Variants in NACC2 observed in about 807,000 individuals in gnomAD.
NACC2 encodes the protein NACC family member 2.
A neutral mutation model predicts 25.1 loss-of-function variants in NACC2; 8 were observed. The observed-to-expected ratio is 0.32, with a 90% CI of 0.19 to 0.57. NACC2 has a LOEUF of 0.57. Among genes scored for constraint, NACC2 ranks in the 20% least tolerant of loss-of-function variants. The probability of loss-of-function intolerance (pLI) is 0.89; values close to 1 mark genes in which losing one functional copy is unlikely to be tolerated. For missense variants in NACC2, 644 were observed against 650.2 expected (o/e 0.99, Z 0.10); for synonymous variants, 435 against 294.7 (o/e 1.48, Z -4.88).
intron 1 of NACC2, among the ~76,000 whole-genome samples, chr9:136,088,829 C>T (rs60426293): frequency 0.061 from 9,289 of 152,222 alleles, 311 homozygotes; most frequent in African/African-American, 0.081. Flanking sequence ...GGCTGTCCCA[C>T]AAAGGGACCT....
rs970334054 is a variant in NACC2 at position 136,055,386 on chromosome 9, A to G, written c.-59-4806T>C. Reference sequence around the variant, plus strand: ...AGTACCCAGGAGCAGAGGCTCTGGCAGGTACAAGACCCCTGAAAGCATCCC... The same window carrying G: ...AGTACCCAGGAGCAGAGGCTCTGGCGGGTACAAGACCCCTGAAAGCATCCC... On this transcript the variant is annotated intron_variant, in intron 1 of 5. Transcript: ENST00000277554. This position sits in a 1 kb window ranked among gnomAD's most constrained non-coding sequence, Gnocchi z 4.9. Among the ~76,000 whole-genome samples, 1 of 152,154 alleles carries G rather than the reference A, an allele frequency of 6.6e-6. No individual in the cohort carries two copies. The highest frequency in any genetic ancestry group is 2.4e-5 in the African/African-American group (1 of 41,440).
chr9:136,085,137 A>ATTTTTTTTTTTTTT (rs913472378), intron 1 of NACC2, among the ~76,000 whole-genome samples: 1 of 82,770 alleles, frequency 1.2e-5, no homozygotes, highest in Non-Finnish European at 2.3e-5. Flanking sequence ...CATTTCTACA[A>ATTTTTTTTTTTTTT]TTTTTTTTTT....
chr9:136,011,863 C>T lies in NACC2; in HGVS notation c.1417G>A (p.Ala473Thr), dbSNP rs777684386. The T allele has an allele frequency of 3.1e-5, 49 of 1,563,600 alleles. No homozygotes were observed. The highest frequency in any genetic ancestry group is 3.8e-5 in the Non-Finnish European group (44 of 1,158,184). The stretch of plus-strand genomic sequence containing the variant: ...GGGTCGAGGGGCACGCTGGCGGCGG[C>T]GGAGCCCATGACCGTGCGGTACATC... ...VEMYRTVMGS[A>T]AASVPLDPEF... The change falls in exon 6 of 6, where the codon GCC becomes ACC. Residue 473 changes from alanine (A) to threonine (T), a missense_variant. Transcript: ENST00000277554.
chr9:136,010,940 GCA>G lies in NACC2; in HGVS notation c.*574_*575del, dbSNP rs748911275. 5 of 152,120 alleles carry G rather than the reference GCA, an allele frequency of 3.3e-5. No individual in the cohort carries two copies. The highest frequency in any genetic ancestry group is 5.9e-5 in the Non-Finnish European group (4 of 68,090). The allele number at this position is 152,120 out of a possible 1,614,324, so 9.4% of individuals were successfully genotyped here. ...CCTCACCACACCCCTGCACACACAC[GCA>G]CACACACACACTCGTGCACACACCC... On this transcript the variant is annotated 3_prime_UTR_variant, in exon 6 of 6. Transcript: ENST00000277554. This position sits in a 1 kb window ranked among gnomAD's most constrained non-coding sequence, Gnocchi z 4.9.
intron 1 of NACC2, among the ~76,000 whole-genome samples, chr9:136,081,459 C>T (rs1023405348): frequency 6.6e-6 from 1 of 152,230 alleles, no homozygotes; most frequent in African/African-American, 2.4e-5. Flanking sequence ...GCTCTCTGAG[C>T]GCGGGGTGCC....
At chr9:136,030,911 C>A (rs990153327) in intron 2 of NACC2, among the ~76,000 whole-genome samples, 1 of 152,110 alleles carries the variant, frequency 6.6e-6, no homozygotes, top group East Asian at 1.9e-4. Flanking sequence ...GATCTGCCCA[C>A]CTCAGCCTCG....
chr9:136,044,915 G>T (rs1840697824), intron 2 of NACC2, among the ~76,000 whole-genome samples: 1 of 152,192 alleles, frequency 6.6e-6, no homozygotes, highest in African/African-American at 2.4e-5. Context: ...TGTTCAGCCG[G>T]GGGATGGACG....
chr9:136,024,384 G>T, intron 2 of NACC2, among the ~76,000 whole-genome samples: 1 of 137,442 alleles, frequency 7.3e-6, no homozygotes, highest in Non-Finnish European at 1.5e-5. Flanking sequence ...GTGTGTGTGA[G>T]GACAGAGGGT....
rs1169808345 is a variant in NACC2 at position 136,019,993 on chromosome 9, C to T, written c.887-3564G>A. 7.2e-6 allele frequency among the ~76,000 whole-genome samples: 1 copy of T among 138,630 alleles called. No homozygotes were observed. 90.9% of individuals were successfully genotyped at this position (138,630 alleles called of 152,430 possible). A position where few individuals can be genotyped will look rare whatever the true frequency, so the allele number is the denominator to read the frequency against. On this transcript the variant is annotated intron_variant, in intron 2 of 5. Coordinates refer to ENST00000277554, the MANE Select transcript of NACC2 (RefSeq NM_144653.5). This position sits in a 1 kb window ranked among gnomAD's most constrained non-coding sequence, Gnocchi z 5.2. ...GGGAAACAGAGGGTGGGTGCCGGGGCTGGGTGGGGGAACGGGGAGGGACCG... is the reference window on the plus strand; with the variant it reads ...GGGAAACAGAGGGTGGGTGCCGGGGTTGGGTGGGGGAACGGGGAGGGACCG...
At chr9:136,063,052 C>T (rs1039663581) in intron 1 of NACC2, among the ~76,000 whole-genome samples, 2 of 152,208 alleles carry the variant, frequency 1.3e-5, no homozygotes, top group Non-Finnish European at 1.5e-5. Flanking sequence ...TCACTGTTTT[C>T]TTCTAATTTT....
Position 136,011,862 on chromosome 9 carries a change from GCGGAGCCCATGACCGTGCGGTACATCT to G in NACC2, c.1391_1417del (p.Glu464_Ser472del). ...GGGGTCGAGGGGCACGCTGGCGGCG[GCGGAGCCCATGACCGTGCGGTACATCT>G]CCACGCCCTCCGGCAGCATGGACTT... On this transcript the variant is annotated inframe_deletion, in exon 6 of 6. Transcript: ENST00000277554. 2 of 1,563,962 alleles carry G rather than the reference GCGGAGCCCATGACCGTGCGGTACATCT, an allele frequency of 1.3e-6. No homozygotes were observed. Among genetic ancestry groups the G allele is most frequent in the Non-Finnish European group, 1.7e-6 (2 of 1,158,294 alleles).
rs78345272 is a variant in NACC2, at chr9:136,084,938, G to T, written c.-60+10251C>A. 0.01 allele frequency among the ~76,000 whole-genome samples: 1,533 copies of T among 152,270 alleles called. 27 individuals are homozygous for T. Among genetic ancestry groups the T allele is most frequent in the African/African-American group, 0.035 (1,443 of 41,528 alleles). Reference sequence around the variant, plus strand: ...TGCCAGGGGCTGGGGCAAGGATGGGGAGTTTGTGTCTAATGGGGAAAGGGG... The same window carrying T: ...TGCCAGGGGCTGGGGCAAGGATGGGTAGTTTGTGTCTAATGGGGAAAGGGG... On this transcript the variant is annotated intron_variant, in intron 1 of 5. Transcript: ENST00000277554. This position sits in a 1 kb window ranked among gnomAD's most constrained non-coding sequence, Gnocchi z 5.1.
chr9:136,091,279 G>A (rs183424540), intron 1 of NACC2, among the ~76,000 whole-genome samples: 4 of 152,348 alleles, frequency 2.6e-5, no homozygotes, highest in East Asian at 1.9e-4. Flanking sequence ...CCAGCTCCTC[G>A]GAGGAGGCAG....
chr9:136,048,713 C>T (rs1236244156), intron 2 of NACC2, among the ~76,000 whole-genome samples: 1 of 152,228 alleles, frequency 6.6e-6, no homozygotes, highest in Non-Finnish European at 1.5e-5. Flanking sequence ...AGACGCTGCA[C>T]AGGGACCCAG....
intron 1 of NACC2, among the ~76,000 whole-genome samples, chr9:136,062,264 G>A (rs565629492): frequency 5.9e-5 from 9 of 152,088 alleles, no homozygotes; most frequent in Non-Finnish European, 8.8e-5. Context: ...TCCCCCCAAC[G>A]CCAAGGGACC....
At chr9:136,048,006 C>T (rs977237541) in intron 2 of NACC2, among the ~76,000 whole-genome samples, 5 of 152,220 alleles carry the variant, frequency 3.3e-5, no homozygotes, top group African/African-American at 7.2e-5. Flanking sequence ...TGTTTGGATA[C>T]GATGGGTCTG....
At position 136,050,098 on chromosome 9, in the gene NACC2, G is replaced by T; in HGVS notation, c.424C>A (p.Pro142Thr). 1.3e-6 allele frequency: 1 copy of T among 750,994 alleles called. No homozygotes were observed. The highest frequency in any genetic ancestry group is 2.4e-6 in the Non-Finnish European group (1 of 408,324). The allele number at this position is 750,994 out of a possible 1,614,324, so 46.5% of individuals were successfully genotyped here. A position where few individuals can be genotyped will look rare whatever the true frequency, so the allele number is the denominator to read the frequency against. Residue 142 changes from proline (P) to threonine (T), a missense_variant, in exon 2 of 6, where the codon CCC becomes ACC. Transcript: ENST00000277554. ...TAVIEDAGSE[P>T]QSPCNQLQPA... ...TGCAGCTGGTTGCAGGGGCTCTGGG[G>T]CTCGGAGCCGGCGTCCTCGATCACA...
chr9:136,013,253 T>C lies in NACC2; in HGVS notation c.1201A>G (p.Thr401Ala), dbSNP rs1433234235. 2 of 1,521,550 alleles carry C rather than the reference T, an allele frequency of 1.3e-6. No individual in the cohort carries two copies. Among genetic ancestry groups the C allele is most frequent in the African/African-American group, 1.4e-5 (1 of 71,558 alleles). 94.3% of individuals were successfully genotyped at this position (1,521,550 alleles called of 1,614,324 possible). A position where few individuals can be genotyped will look rare whatever the true frequency, so the allele number is the denominator to read the frequency against. The change falls in exon 5 of 6, where the codon ACC (threonine) becomes GCC (alanine). Residue 401 changes from threonine (T) to alanine (A), a missense_variant. Coordinates refer to ENST00000277554, the MANE Select transcript of NACC2 (RefSeq NM_144653.5). This position sits in a 1 kb window ranked among gnomAD's most constrained non-coding sequence, Gnocchi z 6.6. ...AGCGGCTTCCGGCTGGGGTCGCTGG[T>C]GGACGAGCGGATGCCAGTCCCGCAG... is the stretch of plus-strand genomic sequence containing the variant. ...NSCGTGIRSS[T>A]SDPSRKPLDS...
rs1840143642 is a variant in NACC2 at position 136,013,358 on chromosome 9, C to T, written c.1158-62G>A. The T allele has an allele frequency of 1.0e-5, 15 of 1,491,904 alleles. No individual in the cohort carries two copies. In the South Asian group the frequency reaches 1.7e-4, roughly 16 times the overall value. 92.4% of individuals were successfully genotyped at this position (1,491,904 alleles called of 1,614,324 possible). A position where few individuals can be genotyped will look rare whatever the true frequency, so the allele number is the denominator to read the frequency against. On this transcript the variant is annotated intron_variant, in intron 4 of 5. Coordinates refer to ENST00000277554, the MANE Select transcript of NACC2 (RefSeq NM_144653.5). This position sits in a 1 kb window ranked among gnomAD's most constrained non-coding sequence, Gnocchi z 6.6. Reference sequence around the variant, plus strand: ...TGATGGGGAGGGTACCTGGAGGCGACCCGCCCGCACGAATGCCCTGCTGGG... The same window carrying T: ...TGATGGGGAGGGTACCTGGAGGCGATCCGCCCGCACGAATGCCCTGCTGGG...
Sources: allele counts gnomAD v4.1 joint callset (sites outside exome capture counted in the v4.1 genomes callset), GRCh38; gene constraint gnomAD v4.1.1; non-coding constraint Gnocchi (gnomAD v3.1); transcripts MANE v1.5; gene names NCBI Gene and HGNC (gene_info 2026-07-23, HGNC 2026-07-21).